TRAF1: variants seen among roughly 807,000 people sequenced by gnomAD.
TRAF1 encodes the protein TNF receptor-associated factor 1.
A neutral mutation model predicts 40.9 loss-of-function variants in TRAF1; 23 were observed. That is an observed-to-expected ratio of 0.56 (90% confidence interval 0.40 to 0.80). The LOEUF (loss-of-function observed/expected upper bound fraction) is 0.80. Ranked by LOEUF, TRAF1 falls within the 30% of genes least tolerant of loss-of-function variation. TRAF1 has a pLI of 0.00. For missense variants in TRAF1, 477 were observed against 528.7 expected, an observed-to-expected ratio of 0.90 and a Z score of 0.96; for synonymous variants, 206 against 218.8, an observed-to-expected ratio of 0.94 and a Z score of 0.52.
intron 2 of TRAF1, 133 bp downstream of exon 2, chr9:120,925,803 G>C: frequency 7.8e-7 from 1 of 1,284,034 alleles, no homozygotes; most frequent in South Asian, 1.4e-5. Context: ...TGTGAGAAAA[G>C]GGTGTGGAAA....
chr9:120,922,739 T>C (rs2046613190), intron 3 of TRAF1, among the ~76,000 whole-genome samples: 1 of 152,226 alleles, frequency 6.6e-6, no homozygotes, highest in Non-Finnish European at 1.5e-5. Context: ...AGGAGTTTGC[T>C]AACCTTTTTT....
chr9:120,925,957 C>A lies in TRAF1; in HGVS notation c.119G>T (p.Gly40Val), dbSNP rs2046637381. ...PKEPRALCCA[G>V]CLSENPRNGE... ...TCACCTCGGGTTCTCAGAGAGACAGCCTGCACAGCAGAGAGCCCTGGGCTC... is the reference window on the plus strand; with the variant it reads ...TCACCTCGGGTTCTCAGAGAGACAGACTGCACAGCAGAGAGCCCTGGGCTC... Residue 40 changes from glycine (G) to valine (V), a missense_variant, in exon 2 of 8, where the codon GGC becomes GTC. Gly to Val is a moderately radical substitution (Grantham distance 109). Transcript: ENST00000373887. 6.2e-7 allele frequency: 1 copy of A among 1,613,984 alleles called. No homozygotes were observed. Among genetic ancestry groups the A allele is most frequent in the Non-Finnish European group, 8.5e-7 (1 of 1,179,928 alleles).
intron 3 of TRAF1, among the ~76,000 whole-genome samples, chr9:120,920,238 T>A (rs2046596378): frequency 6.6e-6 from 1 of 152,178 alleles, no homozygotes; most frequent in Non-Finnish European, 1.5e-5. Context: ...AGTTGCCTTT[T>A]GTGACCTCAA....
At chr9:120,909,139 C>G (rs1342496654) in intron 7 of TRAF1, 91 bp downstream of exon 7, 3 of 1,497,366 alleles carry the variant, frequency 2.0e-6, no homozygotes, top group Non-Finnish European at 2.7e-6. Flanking sequence ...GGGGGACTTG[C>G]CAGGTCACAT....
At chr9:120,905,350 G>A (rs1352436355) in intron 7 of TRAF1, 112 bp from the exon 8 acceptor site, 2 of 1,152,746 alleles carry the variant, frequency 1.7e-6, no homozygotes, top group African/African-American at 1.5e-5. Context: ...CAGCCCCTCA[G>A]ACCCTTGGCT....
chr9:120,915,685 A>G (rs1030707147), intron 3 of TRAF1, among the ~76,000 whole-genome samples: 4 of 152,042 alleles, frequency 2.6e-5, no homozygotes, highest in African/African-American at 9.7e-5. Context: ...AAATTTTTTA[A>G]TTAGCAGTCT....
intron 3 of TRAF1, among the ~76,000 whole-genome samples, chr9:120,919,805 G>T (rs2046593464): frequency 6.6e-6 from 1 of 152,148 alleles, no homozygotes; most frequent in South Asian, 2.1e-4. Flanking sequence ...GTGGACTCCT[G>T]CACTAAAGCC....
intron 2 of TRAF1, among the ~76,000 whole-genome samples, 153 bp from the exon 3 acceptor site, chr9:120,923,945 C>T (rs969742297): frequency 5.9e-5 from 9 of 152,108 alleles, no homozygotes; most frequent in African/African-American, 1.9e-4. Flanking sequence ...GCAAAACTGC[C>T]GAGTATCCCA....
chr9:120,926,685 C>A lies in TRAF1; in HGVS notation c.-362G>T, dbSNP rs1364642766. ...TTCCTCACAGTGGGTTCTGATGACT[C>A]CATCTGTAAAAAAGAAGTTGCAACA... On this transcript the variant is annotated 5_prime_UTR_variant, in exon 1 of 8. The change creates a premature stop within an existing upstream ORF in the 5' untranslated region. Coordinates refer to ENST00000373887, the MANE Select transcript of TRAF1 (RefSeq NM_005658.5). 6.6e-6 allele frequency: 1 copy of A among 152,236 alleles called. No individual in the cohort carries two copies. The highest frequency in any genetic ancestry group is 1.5e-5 in the Non-Finnish European group (1 of 68,098). 9.4% of individuals were successfully genotyped at this position (152,236 alleles called of 1,614,324 possible).
intron 3 of TRAF1, among the ~76,000 whole-genome samples, chr9:120,921,584 G>C (rs1393016407): frequency 1.3e-5 from 2 of 152,106 alleles, no homozygotes; most frequent in Admixed American, 6.5e-5. Flanking sequence ...GTCTGCTTGT[G>C]TCTCACAGCC....
At chr9:120,928,057 GGGTACC>G (rs1259723444), upstream of TRAF1, 3 of 152,254 alleles carry the variant, frequency 2.0e-5, no homozygotes, top group East Asian at 1.9e-4. Flanking sequence ...TACTACTTTT[GGGTACC>G]GTCTTACGTA....
chr9:120,919,261 G>A (rs1251707606), intron 3 of TRAF1, among the ~76,000 whole-genome samples: 2 of 152,200 alleles, frequency 1.3e-5, no homozygotes, highest in Non-Finnish European at 1.5e-5. Context: ...CCGAGGAGGA[G>A]ACAGAAACAG....
intron 5 of TRAF1, among the ~76,000 whole-genome samples, chr9:120,912,049 C>A (rs1378531593): frequency 1.3e-5 from 2 of 152,192 alleles, no homozygotes; most frequent in Non-Finnish European, 1.5e-5. Flanking sequence ...TAATAGCTTT[C>A]CCCAATAAAA....
intron 6 of TRAF1, among the ~76,000 whole-genome samples, chr9:120,909,941 T>G (rs1304883271): frequency 6.6e-6 from 1 of 151,956 alleles, no homozygotes; most frequent in African/African-American, 2.4e-5. Context: ...GCCAACTGGC[T>G]GGGGTCCCCT....
At chr9:120,922,836 A>G (rs2046613774) in intron 3 of TRAF1, among the ~76,000 whole-genome samples, 1 of 152,120 alleles carries the variant, frequency 6.6e-6, no homozygotes, top group Admixed American at 6.5e-5. Context: ...GTGTCCCAAA[A>G]TATCTTTTTT....
rs1203383549 is a variant in TRAF1, at chr9:120,926,116, T to C, written c.-41A>G. On this transcript the variant is annotated 5_prime_UTR_variant, in exon 2 of 8. Coordinates refer to ENST00000373887, the MANE Select transcript of TRAF1 (RefSeq NM_005658.5). ...TGGCCAGAGGGCCTGTTTAAGTTGCTCCAGGGCAGGGGACCAGCCTTGTGG... is the reference window on the plus strand; with the variant it reads ...TGGCCAGAGGGCCTGTTTAAGTTGCCCCAGGGCAGGGGACCAGCCTTGTGG... 2.0e-6 allele frequency: 3 copies of C among 1,508,864 alleles called. No homozygotes were observed. In the Admixed American group the frequency reaches 7.2e-5, roughly 36 times the overall value. The allele number at this position is 1,508,864 out of a possible 1,614,324, so 93.5% of individuals were successfully genotyped here.
Position 120,911,377 on chromosome 9 carries a change from T to C in TRAF1, c.842A>G (p.His281Arg). 1.2e-6 allele frequency: 2 copies of C among 1,613,638 alleles called. No individual in the cohort carries two copies. Among genetic ancestry groups the C allele is most frequent in the Non-Finnish European group, 8.5e-7 (1 of 1,180,026 alleles). ...WKITNVTRRCHESACGRTVSL... is the reference protein window; with the variant it reads ...WKITNVTRRCRESACGRTVSL... ...GACGGTCCTGCCACAGGCCGACTCATGGCACCGCCTGGTGACATTGGTGAT... is the reference window on the plus strand; with the variant it reads ...GACGGTCCTGCCACAGGCCGACTCACGGCACCGCCTGGTGACATTGGTGAT... Residue 281 changes from histidine (H) to arginine (R), a missense_variant, in exon 6 of 8, where the codon CAT (histidine) becomes CGT (arginine). His to Arg is a conservative substitution (Grantham distance 29). Coordinates refer to ENST00000373887, the MANE Select transcript of TRAF1 (RefSeq NM_005658.5).
chr9:120,921,605 G>A (rs542399127), intron 3 of TRAF1, among the ~76,000 whole-genome samples: 1 of 152,182 alleles, frequency 6.6e-6, no homozygotes, highest in African/African-American at 2.4e-5. Flanking sequence ...GATCCACCAA[G>A]AGCCAAACAG....
intron 3 of TRAF1, among the ~76,000 whole-genome samples, chr9:120,915,473 T>C (rs2046563159): frequency 6.6e-6 from 1 of 152,190 alleles, no homozygotes; most frequent in African/African-American, 2.4e-5. Context: ...TGTATCTTCA[T>C]AAAGGCTTGT....
Sources: allele counts gnomAD v4.1 joint callset (sites outside exome capture counted in the v4.1 genomes callset), GRCh38; gene constraint gnomAD v4.1.1; transcripts MANE v1.5; gene names NCBI Gene and HGNC (gene_info 2026-07-23, HGNC 2026-07-21).